The following ADAMTS2 variants were observed in gnomAD, a reference collection of about 807,000 sequenced individuals.
ADAMTS2 encodes A disintegrin and metalloproteinase with thrombospondin motifs 2.
ADAMTS2 carries 50 observed loss-of-function variants against 123.0 expected under a neutral mutation model. The observed-to-expected ratio is 0.41, with a 90% CI of 0.32 to 0.51. The LOEUF is 0.51. ADAMTS2 is among the 20% of genes least tolerant of loss of function. The pLI is 0.35. For synonymous variants in ADAMTS2, 678 were observed against 695.4 expected (o/e 0.98, Z 0.39); for missense variants, 1,494 against 1,705.2 (o/e 0.88, Z 2.18).
intron 3 of ADAMTS2, among the ~76,000 whole-genome samples, chr5:179,259,946 C>T (rs979604348): frequency 1.3e-5 from 2 of 152,212 alleles, no homozygotes; most frequent in Admixed American, 6.5e-5. Flanking sequence ...TTGCAGGGCA[C>T]AGTGCAAAAT....
chr5:179,331,345 G>A (rs959094717), intron 2 of ADAMTS2, among the ~76,000 whole-genome samples: 3 of 117,454 alleles, frequency 2.6e-5, no homozygotes, highest in Non-Finnish European at 3.5e-5. Context: ...GTGGGAAAAA[G>A]AGGAATGAGA....
At chr5:179,224,123 C>A (rs533873175) in intron 3 of ADAMTS2, among the ~76,000 whole-genome samples, 1 of 152,184 alleles carries the variant, frequency 6.6e-6, no homozygotes, top group Non-Finnish European at 1.5e-5. Flanking sequence ...GAGTCTACAT[C>A]GGTTTCCTTC....
rs1766185291 is a variant in ADAMTS2 at position 179,260,392 on chromosome 5, C to G, written c.688+12519G>C. Among the ~76,000 whole-genome samples, 1 of 152,232 alleles carries G rather than the reference C, an allele frequency of 6.6e-6. No individual in the cohort carries two copies. The highest frequency in any genetic ancestry group is 1.5e-5 in the Non-Finnish European group (1 of 68,050). ...TGTAAGCAAAAGATTCTCCCCGAAG[C>G]TAACGTGCTAAGTGACCTGGAGACA... On this transcript the variant is annotated intron_variant, in intron 3 of 21. Transcript: ENST00000251582. The surrounding 1 kb of genome is among the most constrained non-coding windows in gnomAD (Gnocchi z 4.2).
At chr5:179,255,212 T>A (rs908984631) in intron 3 of ADAMTS2, among the ~76,000 whole-genome samples, 8 of 152,070 alleles carry the variant, frequency 5.3e-5, no homozygotes, top group African/African-American at 1.4e-4. Flanking sequence ...GATGGACGGA[T>A]GACAGATGGA....
rs1169789713 is a variant in ADAMTS2, at chr5:179,170,917, C to A, written c.975+10155G>T. On this transcript the variant is annotated intron_variant, in intron 5 of 21. Transcript: ENST00000251582. This position sits in a 1 kb window ranked among gnomAD's most constrained non-coding sequence, Gnocchi z 4.3. ...CCACGTTCATCAGACACCTCAGAGACCTGAAAACAGGGCCTCCCCCAGTGC... is the reference window on the plus strand; with the variant it reads ...CCACGTTCATCAGACACCTCAGAGAACTGAAAACAGGGCCTCCCCCAGTGC... 2.6e-5 allele frequency among the ~76,000 whole-genome samples: 4 copies of A among 152,198 alleles called. No individual in the cohort carries two copies. The East Asian group carries it at 7.7e-4, about 29-fold the overall frequency.
chr5:179,167,296 G>T lies in ADAMTS2; in HGVS notation c.976-8417C>A, dbSNP rs1763720977. 2.0e-5 allele frequency among the ~76,000 whole-genome samples: 3 copies of T among 151,978 alleles called. No individual in the cohort carries two copies. The South Asian group carries it at 6.2e-4, about 31-fold the overall frequency. On this transcript the variant is annotated intron_variant, in intron 5 of 21. Transcript: ENST00000251582. ...GCGGCCACCAGGTGGCGCTGCTGCC[G>T]CGAGAACAGCGGCCCGGGCCGGGGA...
chr5:179,208,425 T>C lies in ADAMTS2; in HGVS notation c.689-710A>G, dbSNP rs562878346. ...TACCGCCTCTGGCCTGATTGAATTGTGCAGAGACCAAGATGAACCCCTCTG... is the reference window on the plus strand; with the variant it reads ...TACCGCCTCTGGCCTGATTGAATTGCGCAGAGACCAAGATGAACCCCTCTG... On this transcript the variant is annotated intron_variant, in intron 3 of 21. Coordinates refer to ENST00000251582, the MANE Select transcript of ADAMTS2 (RefSeq NM_014244.5). 5.3e-4 allele frequency among the ~76,000 whole-genome samples: 81 copies of C among 152,254 alleles called. 1 individual carries two copies. The highest frequency in any genetic ancestry group is 1.9e-3 in the South Asian group (9 of 4,818).
At chr5:179,275,392 G>T (rs1766667418) in intron 2 of ADAMTS2, among the ~76,000 whole-genome samples, 2 of 152,126 alleles carry the variant, frequency 1.3e-5, no homozygotes, top group Non-Finnish European at 2.9e-5. Context: ...TGGGCTTCCA[G>T]GTCTGTGGCT....
intron 2 of ADAMTS2, among the ~76,000 whole-genome samples, chr5:179,297,286 C>A (rs1756365856): frequency 6.6e-6 from 1 of 152,132 alleles, no homozygotes; most frequent in Non-Finnish European, 1.5e-5. Flanking sequence ...AATGAGTATT[C>A]TTTACAAGCA....
intron 19 of ADAMTS2, chr5:179,122,979 G>A: frequency 1.4e-6 from 1 of 694,924 alleles, no homozygotes; most frequent in Admixed American, 2.4e-5. Context: ...GGACCCACAT[G>A]CCTGTCTCTC....
At position 179,139,183 on chromosome 5, in the gene ADAMTS2, G is replaced by GC. The variant is rs1238052944; in HGVS notation, c.1775+706dup. The stretch of plus-strand genomic sequence containing the variant: ...TGTGGAGGGTTCTCCCTCCATGCCA[G>GC]CCCCCCCGGGACACTCCCTGGGTGA... On this transcript the variant is annotated intron_variant, in intron 11 of 21. Coordinates refer to ENST00000251582, the MANE Select transcript of ADAMTS2 (RefSeq NM_014244.5). Among the ~76,000 whole-genome samples the GC allele has an allele frequency of 5.3e-5, 8 of 152,140 alleles. No individual in the cohort carries two copies. The East Asian group carries it at 7.8e-4, about 15-fold the overall frequency.
rs550377593 is a variant in ADAMTS2, at chr5:179,187,845, C to A, written c.892-6690G>T. Among the ~76,000 whole-genome samples, 33 of 152,350 alleles carry A rather than the reference C, an allele frequency of 2.2e-4. 1 individual carries two copies. Among genetic ancestry groups the A allele is most frequent in the Middle Eastern group, 3.4e-3 (1 of 294 alleles). The stretch of plus-strand genomic sequence containing the variant: ...TTGTTTGGGGAAACACATTGTAATG[C>A]GCCTTTTGCTTATGCAAAGATGCAG... On this transcript the variant is annotated intron_variant, in intron 4 of 21. Transcript: ENST00000251582.
intron 2 of ADAMTS2, among the ~76,000 whole-genome samples, chr5:179,290,591 T>G (rs1756157285): frequency 6.6e-6 from 1 of 152,248 alleles, no homozygotes; most frequent in Admixed American, 6.5e-5. Context: ...AGAGGAAATC[T>G]ATGCTATTTT....
intron 4 of ADAMTS2, among the ~76,000 whole-genome samples, chr5:179,198,574 C>T (rs1581183360): frequency 6.6e-6 from 1 of 152,202 alleles, no homozygotes; most frequent in South Asian, 2.1e-4. Context: ...TGGCTCATGC[C>T]TGTGATCCCA....
intron 5 of ADAMTS2, among the ~76,000 whole-genome samples, chr5:179,168,918 T>C (rs1763764524): frequency 6.6e-6 from 1 of 152,136 alleles, no homozygotes; most frequent in Non-Finnish European, 1.5e-5. Flanking sequence ...AGAACTCCCA[T>C]ATCGTTCCAG....
chr5:179,265,246 G>A (rs1168622620), intron 3 of ADAMTS2, among the ~76,000 whole-genome samples: 1 of 152,246 alleles, frequency 6.6e-6, no homozygotes, highest in African/African-American at 2.4e-5. Flanking sequence ...TGCCCACGGT[G>A]CTCCACCAAA....
intron 4 of ADAMTS2, among the ~76,000 whole-genome samples, chr5:179,184,296 G>A (rs1764115075): frequency 6.6e-6 from 1 of 152,090 alleles, no homozygotes. Context: ...TGGATCACCT[G>A]AAGTCAGAAG....
intron 6 of ADAMTS2, among the ~76,000 whole-genome samples, chr5:179,156,786 A>G (rs771046146): frequency 9.8e-5 from 15 of 152,288 alleles, no homozygotes; most frequent in African/African-American, 1.4e-4. Context: ...TGGGAATACT[A>G]CTTTTAAAAA....
intron 2 of ADAMTS2, among the ~76,000 whole-genome samples, chr5:179,291,627 C>A (rs928351133): frequency 6.6e-6 from 1 of 152,064 alleles, no homozygotes; most frequent in African/African-American, 2.4e-5. Flanking sequence ...CACCATTAAA[C>A]GAGGTTGAAT....
Sources: gnomAD v4.1 joint callset for allele counts (sites outside exome capture counted in the v4.1 genomes callset) on GRCh38, gnomAD v4.1.1 for gene constraint, Gnocchi (gnomAD v3.1) non-coding constraint, MANE v1.5 for transcripts, NCBI Gene and HGNC (gene_info 2026-07-23, HGNC 2026-07-21) for gene names.